Variants in TRDN observed in about 807,000 individuals in gnomAD.
TRDN encodes the protein triadin in skeletal muscle.
In TRDN, 161 loss-of-function variants were observed where a neutral mutation model predicts 149.7. The ratio of observed to expected loss-of-function variants is 1.08; its 90% CI spans 0.95 to 1.23. TRDN has a LOEUF of 1.23. TRDN is among the 50% of genes most tolerant of loss of function. The probability of loss-of-function intolerance (pLI) is 0.00; values close to 1 mark genes in which losing one functional copy is unlikely to be tolerated. For synonymous variants in TRDN, 294 were observed against 250.5 expected (o/e 1.17, Z -1.64); for missense variants, 896 against 823.5 (o/e 1.09, Z -1.08).
intron 10 of TRDN, among the ~76,000 whole-genome samples, chr6:123,456,524 A>T (rs62419056): frequency 6.6e-6 from 1 of 151,720 alleles, no homozygotes; most frequent in Non-Finnish European, 1.5e-5. Flanking sequence ...GCTAGAGTGC[A>T]GTCGTGGGAT....
intron 23 of TRDN, among the ~76,000 whole-genome samples, chr6:123,329,565 C>G (rs1035213671): frequency 2.6e-5 from 4 of 152,020 alleles, no homozygotes; most frequent in Non-Finnish European, 4.4e-5. Context: ...AGTCACTTTG[C>G]ATGATATGAT....
At position 123,541,567 on chromosome 6, in the gene TRDN, T is replaced by C. The variant is rs533517942; in HGVS notation, c.424+5773A>G. Among the ~76,000 whole-genome samples, 4 of 152,268 alleles carry C rather than the reference T, an allele frequency of 2.6e-5. No homozygotes were observed. The East Asian group carries it at 5.8e-4, about 22-fold the overall frequency. The stretch of plus-strand genomic sequence containing the variant: ...TCACCCCCATCACAGGTCTGCTCCA[T>C]GCTTGGGAAAGACAGGTAGAAGATA... On this transcript the variant is annotated intron_variant, in intron 4 of 40. Coordinates refer to ENST00000334268, the MANE Select transcript of TRDN (RefSeq NM_006073.4).
intron 35 of TRDN, among the ~76,000 whole-genome samples, chr6:123,256,596 T>A (rs1488725504): frequency 2.6e-5 from 4 of 151,960 alleles, no homozygotes; most frequent in Non-Finnish European, 1.5e-5. Flanking sequence ...ATGAGCTTTT[T>A]AAAATATGTT....
chr6:123,440,452 C>T (rs1367006564), intron 10 of TRDN, among the ~76,000 whole-genome samples: 1 of 152,176 alleles, frequency 6.6e-6, no homozygotes, highest in Non-Finnish European at 1.5e-5. Context: ...AGTATCACTA[C>T]TTTCAGCTTC....
intron 12 of TRDN, among the ~76,000 whole-genome samples, chr6:123,423,410 A>G (rs1338226810): frequency 6.6e-6 from 1 of 152,166 alleles, no homozygotes; most frequent in East Asian, 1.9e-4. Flanking sequence ...CAAAATAGGT[A>G]TATTTAAACA....
intron 13 of TRDN, among the ~76,000 whole-genome samples, chr6:123,391,382 C>A (rs968871055): frequency 6.6e-6 from 1 of 151,846 alleles, no homozygotes; most frequent in African/African-American, 2.4e-5. Context: ...TCCTTTGTTT[C>A]TTTTGATATA....
intron 10 of TRDN, among the ~76,000 whole-genome samples, chr6:123,456,172 A>C (rs1482097222): frequency 6.6e-6 from 1 of 152,196 alleles, no homozygotes; most frequent in Non-Finnish European, 1.5e-5. Flanking sequence ...TATGGGACAC[A>C]TGTGTAAGTC....
intron 2 of TRDN, among the ~76,000 whole-genome samples, chr6:123,562,177 C>T (rs1006222660): frequency 6.6e-6 from 1 of 152,108 alleles, no homozygotes; most frequent in South Asian, 2.1e-4. Flanking sequence ...GAGAATAACC[C>T]CCCTTTGACT....
chr6:123,478,956 G>C (rs1173962442), intron 9 of TRDN, among the ~76,000 whole-genome samples: 1 of 152,056 alleles, frequency 6.6e-6, no homozygotes, highest in Non-Finnish European at 1.5e-5. Context: ...TAAATCTTCA[G>C]TAGACAATAA....
intron 24 of TRDN, among the ~76,000 whole-genome samples, chr6:123,301,768 T>TATATATATATATAC: frequency 1.1e-3 from 105 of 92,554 alleles, no homozygotes; most frequent in African/African-American, 3.1e-3. Flanking sequence ...TATATATATA[T>TATATATATATATAC]ACATATATAT....
At chr6:123,297,479 T>A (rs181566915) in intron 24 of TRDN, among the ~76,000 whole-genome samples, 197 of 152,176 alleles carry the variant, frequency 1.3e-3, no homozygotes, top group African/African-American at 2.7e-3. Flanking sequence ...AGTTTTTTTT[T>A]ATGTGGATCT....
At chr6:123,608,752 G>A (rs1385239847) in intron 1 of TRDN, among the ~76,000 whole-genome samples, 1 of 152,072 alleles carries the variant, frequency 6.6e-6, no homozygotes, top group Non-Finnish European at 1.5e-5. Flanking sequence ...GTTTTCTGGG[G>A]AAAATTTATC....
rs538522695 is a variant in TRDN, at chr6:123,609,285, A to T, written c.22+27469T>A. 9.9e-5 allele frequency among the ~76,000 whole-genome samples: 15 copies of T among 152,280 alleles called. 1 individual carries two copies. The highest frequency in any genetic ancestry group is 9.8e-4 in the Admixed American group (15 of 15,288). ...TGCATATATATGTGGAGTAAAACTT[A>T]TATTTACTGATAGGAAAAAATTCAA... On this transcript the variant is annotated intron_variant, in intron 1 of 40. Coordinates refer to ENST00000334268, the MANE Select transcript of TRDN (RefSeq NM_006073.4).
At chr6:123,358,909 T>C (rs1582914024) in intron 20 of TRDN, among the ~76,000 whole-genome samples, 1 of 152,166 alleles carries the variant, frequency 6.6e-6, no homozygotes, top group East Asian at 1.9e-4. Flanking sequence ...ATGACACATA[T>C]TACTTCGGAG....
rs1404250533 is a variant in TRDN, at chr6:123,474,782, C to T, written c.854-9799G>A. Among the ~76,000 whole-genome samples the T allele has an allele frequency of 2.1e-4, 32 of 151,840 alleles. No homozygotes were observed. The East Asian group carries it at 2.7e-3, about 13-fold the overall frequency. ...CAGGATTAAGAATCTCACTCAAAAC[C>T]GCTCAACTACATGGAAACTGAACAA... On this transcript the variant is annotated intron_variant, in intron 9 of 40. Transcript: ENST00000334268.
intron 20 of TRDN, among the ~76,000 whole-genome samples, chr6:123,362,366 A>G (rs776974617): frequency 3.9e-5 from 6 of 152,160 alleles, no homozygotes; most frequent in Non-Finnish European, 8.8e-5. Context: ...TTATATACTT[A>G]CAATTTTTCA....
intron 24 of TRDN, among the ~76,000 whole-genome samples, chr6:123,310,962 T>C (rs1778794381): frequency 6.6e-6 from 1 of 151,958 alleles, no homozygotes; most frequent in African/African-American, 2.4e-5. Context: ...TCTAGAAATA[T>C]ACTAACCCCC....
intron 21 of TRDN, among the ~76,000 whole-genome samples, chr6:123,344,182 A>C (rs1780168353): frequency 6.6e-6 from 1 of 151,972 alleles, no homozygotes; most frequent in Non-Finnish European, 1.5e-5. Context: ...CCAAACTAAT[A>C]CACCCTCTTC....
At chr6:123,531,733 T>C (rs535133512) in intron 4 of TRDN, among the ~76,000 whole-genome samples, 5 of 152,158 alleles carry the variant, frequency 3.3e-5, no homozygotes, top group African/African-American at 1.2e-4. Flanking sequence ...CCAAATGACA[T>C]AGGAAATGCC....
Sources: allele counts gnomAD v4.1 joint callset (sites outside exome capture counted in the v4.1 genomes callset), GRCh38; gene constraint gnomAD v4.1.1; transcripts MANE v1.5; gene names NCBI Gene and HGNC (gene_info 2026-07-23, HGNC 2026-07-21).